The following EBF3 variants were observed in gnomAD, a reference collection of about 807,000 sequenced individuals.
EBF3 encodes the protein transcription factor COE3.
Under a neutral mutation model 77.1 loss-of-function variants are expected in EBF3, and 18 were observed. The ratio of observed to expected loss-of-function variants is 0.23; its 90% CI spans 0.16 to 0.35. The LOEUF (loss-of-function observed/expected upper bound fraction) is 0.35, where lower values mean the gene tolerates loss of function less well. Ranked by LOEUF, EBF3 falls within the 10% of genes least tolerant of loss-of-function variation. The pLI is 1.00. For missense variants in EBF3, 558 were observed against 860.0 expected (o/e 0.65, Z 4.39); for synonymous variants, 350 against 343.5 (o/e 1.02, Z -0.21).
chr10:129,953,081 AAGAC>A (rs1225249314), intron 6 of EBF3, among the ~76,000 whole-genome samples: 3 of 151,832 alleles, frequency 2.0e-5, no homozygotes, highest in African/African-American at 4.8e-5. Flanking sequence ...AGAAAGAAGA[AAGAC>A]AGAAAAAAAA....
chr10:129,951,712 C>A (rs1408401458), intron 6 of EBF3, among the ~76,000 whole-genome samples: 3 of 152,236 alleles, frequency 2.0e-5, no homozygotes, highest in Non-Finnish European at 4.4e-5. Flanking sequence ...CGGCAGGCGA[C>A]CACGCAAGCT....
intron 4 of EBF3, among the ~76,000 whole-genome samples, chr10:129,959,470 G>T (rs1040916327): frequency 3.9e-5 from 6 of 152,094 alleles, no homozygotes; most frequent in Non-Finnish European, 7.4e-5. Context: ...CGATCAGAAC[G>T]CCCCGAGGCT....
intron 6 of EBF3, among the ~76,000 whole-genome samples, chr10:129,910,940 C>T (rs1444276515): frequency 1.3e-5 from 2 of 152,158 alleles, no homozygotes; most frequent in African/African-American, 2.4e-5. Flanking sequence ...GGGCCATGGC[C>T]GAAGCTGCTA....
intron 11 of EBF3, among the ~76,000 whole-genome samples, chr10:129,846,826 T>TGGGGCAG (rs758282169): frequency 1.3e-5 from 2 of 152,058 alleles, no homozygotes; most frequent in Non-Finnish European, 2.9e-5. Flanking sequence ...CTAAGTAATA[T>TGGGGCAG]GGGGCAGTGG....
chr10:129,879,598 T>A lies in EBF3; in HGVS notation c.555-1749A>T, dbSNP rs1448728084. On this transcript the variant is annotated intron_variant, in intron 6 of 16. Coordinates refer to ENST00000440978, the MANE Select transcript of EBF3 (RefSeq NM_001375380.1). The surrounding 1 kb of genome is among the most constrained non-coding windows in gnomAD (Gnocchi z 4.7). ...CTGCATACCATGAGGCCTCACCATT[T>A]TAGGCCAGAATTTACATCTTTTATT... 6.6e-6 allele frequency among the ~76,000 whole-genome samples: 1 copy of A among 152,082 alleles called. No homozygotes were observed. Among genetic ancestry groups the A allele is most frequent in the African/African-American group, 2.4e-5 (1 of 41,394 alleles).
chr10:129,927,684 C>T (rs1478686534), intron 6 of EBF3, among the ~76,000 whole-genome samples: 1 of 152,214 alleles, frequency 6.6e-6, no homozygotes, highest in Non-Finnish European at 1.5e-5. Flanking sequence ...TTCTTCCTTT[C>T]GGCCCTCCCT....
chr10:129,861,892 C>CT lies in EBF3; in HGVS notation c.1039+5248dup, dbSNP rs1358184234. Among the ~76,000 whole-genome samples, 1 of 152,214 alleles carries CT rather than the reference C, an allele frequency of 6.6e-6. No homozygotes were observed. Among genetic ancestry groups the CT allele is most frequent in the Non-Finnish European group, 1.5e-5 (1 of 68,054 alleles). ...AGTAATTTGTTTGAGGAGCACCGGC[C>CT]TGGGAGACAGCAAGCTGGGGCTGGC... On this transcript the variant is annotated intron_variant, in intron 10 of 16. Transcript: ENST00000440978. This position sits in a 1 kb window ranked among gnomAD's most constrained non-coding sequence, Gnocchi z 4.3.
intron 6 of EBF3, among the ~76,000 whole-genome samples, chr10:129,910,415 A>G (rs955104624): frequency 5.9e-5 from 9 of 152,172 alleles, no homozygotes; most frequent in Non-Finnish European, 8.8e-5. Context: ...CACACACACA[A>G]ATACATACAA....
Position 129,947,419 on chromosome 10 carries a change from T to G in EBF3, c.554+9839A>C, listed in dbSNP as rs1858310209. On this transcript the variant is annotated intron_variant, in intron 6 of 16. Transcript: ENST00000440978. This position sits in a 1 kb window ranked among gnomAD's most constrained non-coding sequence, Gnocchi z 4.5. ...CATTTTGTTTGGCAATTAGGAAAAT[T>G]TGTACTTTAATTTATTAAACCAAAA... is the stretch of plus-strand genomic sequence containing the variant. 6.6e-6 allele frequency among the ~76,000 whole-genome samples: 1 copy of G among 152,164 alleles called. No individual in the cohort carries two copies. Among genetic ancestry groups the G allele is most frequent in the Admixed American group, 6.5e-5 (1 of 15,280 alleles).
intron 6 of EBF3, among the ~76,000 whole-genome samples, chr10:129,886,532 G>C (rs996466172): frequency 6.6e-6 from 1 of 152,162 alleles, no homozygotes; most frequent in Non-Finnish European, 1.5e-5. Flanking sequence ...TCTGTGGCTC[G>C]GGGAAGGACC....
At chr10:129,941,951 A>G (rs1041645163) in intron 6 of EBF3, among the ~76,000 whole-genome samples, 1 of 152,220 alleles carries the variant, frequency 6.6e-6, no homozygotes, top group Admixed American at 6.5e-5. Flanking sequence ...AAGTGAGCTC[A>G]CAGGACAGAC....
chr10:129,888,194 G>T (rs1281404392), intron 6 of EBF3, among the ~76,000 whole-genome samples: 1 of 152,198 alleles, frequency 6.6e-6, no homozygotes, highest in Non-Finnish European at 1.5e-5. Flanking sequence ...TTCCTGTCGG[G>T]GAGCAGCACC....
intron 10 of EBF3, 60 bp downstream of exon 10, chr10:129,867,081 C>T (rs939326188): frequency 2.5e-6 from 4 of 1,576,930 alleles, no homozygotes; most frequent in African/African-American, 1.4e-5. Flanking sequence ...CTCATGAGCA[C>T]CTCCTGGTGG....
rs146020903 is a variant in EBF3, at chr10:129,919,015, A to G, written c.554+38243T>C. 5.5e-3 allele frequency among the ~76,000 whole-genome samples: 845 copies of G among 152,270 alleles called. 6 individuals carry two copies. The highest frequency in any genetic ancestry group is 0.019 in the African/African-American group (797 of 41,566). On this transcript the variant is annotated intron_variant, in intron 6 of 16. Coordinates refer to ENST00000440978, the MANE Select transcript of EBF3 (RefSeq NM_001375380.1). ...GCAAGGGTACATCAGGCACCCGCCC[A>G]TGGAAGCCCAGCCTGGGCACAGTGG...
chr10:129,849,493 A>C lies in EBF3; in HGVS notation c.1040-1013T>G, dbSNP rs80223925. 5.4e-3 allele frequency among the ~76,000 whole-genome samples: 826 copies of C among 152,298 alleles called. 13 individuals are homozygous for C. The highest frequency in any genetic ancestry group is 0.019 in the African/African-American group (782 of 41,560). ...ACACGCCCCACCTCAGCAGGTGTGCAAGGTGCGGGGGCGGACACAAAGACT... is the reference window on the plus strand; with the variant it reads ...ACACGCCCCACCTCAGCAGGTGTGCCAGGTGCGGGGGCGGACACAAAGACT... On this transcript the variant is annotated intron_variant, in intron 10 of 16. Coordinates refer to ENST00000440978, the MANE Select transcript of EBF3 (RefSeq NM_001375380.1).
chr10:129,887,701 C>T (rs1853706067), intron 6 of EBF3, among the ~76,000 whole-genome samples: 1 of 152,092 alleles, frequency 6.6e-6, no homozygotes, highest in Admixed American at 6.6e-5. Flanking sequence ...GGGCCCTGCA[C>T]AACCAAAATG....
chr10:129,915,462 GCACACACACACA>G (rs3041735), intron 6 of EBF3, among the ~76,000 whole-genome samples: 2 of 139,636 alleles, frequency 1.4e-5, no homozygotes, highest in African/African-American at 5.4e-5. Flanking sequence ...GCGCACACAT[GCACACACACACA>G]CACACACACA....
chr10:129,901,065 A>G (rs1480770502), intron 6 of EBF3, among the ~76,000 whole-genome samples: 1 of 152,230 alleles, frequency 6.6e-6, no homozygotes, highest in Non-Finnish European at 1.5e-5. Context: ...ACGCCCTCTG[A>G]TAAGAACCAT....
chr10:129,861,959 C>T lies in EBF3; in HGVS notation c.1039+5182G>A, dbSNP rs185221230. On this transcript the variant is annotated intron_variant, in intron 10 of 16. Coordinates refer to ENST00000440978, the MANE Select transcript of EBF3 (RefSeq NM_001375380.1). This position sits in a 1 kb window ranked among gnomAD's most constrained non-coding sequence, Gnocchi z 4.3. ...GTCGACTCCGCAGTGCTGACGGGAC[C>T]GCCTCTCAATGCACACAAAAGATCT... Among the ~76,000 whole-genome samples, 140 of 152,240 alleles carry T rather than the reference C, an allele frequency of 9.2e-4. No individual in the cohort carries two copies. The highest frequency in any genetic ancestry group is 3.3e-3 in the African/African-American group (138 of 41,534).
Sources: gnomAD v4.1 joint callset for allele counts (sites outside exome capture counted in the v4.1 genomes callset) on GRCh38, gnomAD v4.1.1 for gene constraint, Gnocchi (gnomAD v3.1) non-coding constraint, MANE v1.5 for transcripts, NCBI Gene and HGNC (gene_info 2026-07-23, HGNC 2026-07-21) for gene names.